The following BCAS3 variants were observed in gnomAD, a reference collection of about 807,000 sequenced individuals.
BCAS3 encodes BCAS3 microtubule associated cell migration factor.
A neutral mutation model predicts 116.1 loss-of-function variants in BCAS3; 53 were observed. The ratio of observed to expected loss-of-function variants is 0.46; its 90% CI spans 0.37 to 0.57. BCAS3 has a LOEUF of 0.57. Ranked by LOEUF, BCAS3 falls within the 20% of genes least tolerant of loss-of-function variation. The pLI is 0.00. For synonymous variants in BCAS3, 391 were observed against 408.2 expected (o/e 0.96, Z 0.51); for missense variants, 917 against 1,165.4 (o/e 0.79, Z 3.10).
At chr17:60,894,670 T>C (rs1303966470) in intron 10 of BCAS3, among the ~76,000 whole-genome samples, 1 of 152,186 alleles carries the variant, frequency 6.6e-6, no homozygotes, top group African/African-American at 2.4e-5. Flanking sequence ...GCTTTTAAAT[T>C]TTCCCCATTC....
chr17:60,858,640 T>A (rs1025026150), intron 7 of BCAS3, among the ~76,000 whole-genome samples: 6 of 152,210 alleles, frequency 3.9e-5, no homozygotes, highest in Non-Finnish European at 5.9e-5. Flanking sequence ...GGAAAATGTA[T>A]GTTTAATTTT....
rs1050037082 is a variant in BCAS3, at chr17:61,222,124, T to G, written c.2425+137560T>G. Among the ~76,000 whole-genome samples the G allele has an allele frequency of 6.6e-6, 1 of 152,162 alleles. No individual in the cohort carries two copies. The highest frequency in any genetic ancestry group is 2.4e-5 in the African/African-American group (1 of 41,396). ...ATTTTAGGGAATTTGTTAACAGTCATGCCGACATAGATACAAATATAGAGA... is the reference window on the plus strand; with the variant it reads ...ATTTTAGGGAATTTGTTAACAGTCAGGCCGACATAGATACAAATATAGAGA... On this transcript the variant is annotated intron_variant, in intron 22 of 23. Coordinates refer to ENST00000407086, the MANE Select transcript of BCAS3 (RefSeq NM_017679.5). This position sits in a 1 kb window ranked among gnomAD's most constrained non-coding sequence, Gnocchi z 6.1.
intron 23 of BCAS3, chr17:61,382,707 T>C (rs774831754): frequency 2.6e-5 from 4 of 151,238 alleles, no homozygotes; most frequent in Non-Finnish European, 5.9e-5. Context: ...ATAAAGCCTG[T>C]ACCACAATGA....
intron 5 of BCAS3, among the ~76,000 whole-genome samples, chr17:60,715,418 A>T (rs115500461): frequency 1.3e-5 from 2 of 151,700 alleles, no homozygotes; most frequent in Admixed American, 6.6e-5. Flanking sequence ...TCTTTCTTTC[A>T]TCACTCTTTC....
chr17:60,848,668 T>C (rs1212063075), intron 7 of BCAS3, among the ~76,000 whole-genome samples: 1 of 152,098 alleles, frequency 6.6e-6, no homozygotes, highest in African/African-American at 2.4e-5. Flanking sequence ...TGTGGGTTTT[T>C]CATGAGCCAT....
chr17:60,988,700 C>A (rs2063335572), intron 14 of BCAS3, among the ~76,000 whole-genome samples: 2 of 152,044 alleles, frequency 1.3e-5, no homozygotes, highest in African/African-American at 4.8e-5. Flanking sequence ...TCATAGTAGC[C>A]TCTAATGATC....
chr17:60,971,061 G>C (rs993302109), intron 14 of BCAS3, among the ~76,000 whole-genome samples: 1 of 152,212 alleles, frequency 6.6e-6, no homozygotes, highest in Non-Finnish European at 1.5e-5. Context: ...GGTACTGTAG[G>C]CTTGATAAGC....
rs746483225 is a variant in BCAS3 at position 60,874,644 on chromosome 17, TTC to T, written c.585-10_585-9del. 13 of 1,569,798 alleles carry T rather than the reference TTC, an allele frequency of 8.3e-6. 1 individual carries two copies. The East Asian group carries it at 2.0e-4, about 24-fold the overall frequency. On this transcript the variant is annotated splice_polypyrimidine_tract_variant and intron_variant, in intron 8 of 23. Transcript: ENST00000407086. ...TTCACTTTTTTTCTTTCTGTTTTTT[TTC>T]TCTCTCTAATTTTAGGATCCTTGTC...
In BCAS3 at chr17:61,151,699, C is replaced by T. The variant is rs111896535; in HGVS notation, c.2425+67135C>T. Among the ~76,000 whole-genome samples the T allele has an allele frequency of 2.4e-3, 358 of 152,268 alleles. 1 individual carries two copies. The highest frequency in any genetic ancestry group is 8.3e-3 in the African/African-American group (345 of 41,548). On this transcript the variant is annotated intron_variant, in intron 22 of 23. Coordinates refer to ENST00000407086, the MANE Select transcript of BCAS3 (RefSeq NM_017679.5). This position sits in a 1 kb window ranked among gnomAD's most constrained non-coding sequence, Gnocchi z 4.8. Reference sequence around the variant, plus strand: ...TCTTGAATTCCTGGGCTCAAGTGAGCCTCCTGCCTTGGCCCCGCAAAGTGC... The same window carrying T: ...TCTTGAATTCCTGGGCTCAAGTGAGTCTCCTGCCTTGGCCCCGCAAAGTGC...
At chr17:60,824,008 T>C (rs191583202) in intron 7 of BCAS3, among the ~76,000 whole-genome samples, 8 of 152,338 alleles carry the variant, frequency 5.3e-5, no homozygotes, top group East Asian at 1.9e-4. Flanking sequence ...CTCTTTCTTA[T>C]CAACAGCCCC....
At chr17:60,770,445 A>G (rs1396074421) in intron 6 of BCAS3, among the ~76,000 whole-genome samples, 1 of 85,340 alleles carries the variant, frequency 1.2e-5, no homozygotes, top group African/African-American at 4.5e-5. Flanking sequence ...TTTGAGACAG[A>G]GTCTTGCCTT....
At position 61,222,207 on chromosome 17, in the gene BCAS3, G is replaced by C. The variant is rs1327725558; in HGVS notation, c.2425+137643G>C. On this transcript the variant is annotated intron_variant, in intron 22 of 23. Coordinates refer to ENST00000407086, the MANE Select transcript of BCAS3 (RefSeq NM_017679.5). This position sits in a 1 kb window ranked among gnomAD's most constrained non-coding sequence, Gnocchi z 6.1. ...TGAAATAATAGTGGGGAACTGTAAA[G>C]AAATGATAAAAATAAGGACTCAGCT... is the stretch of plus-strand genomic sequence containing the variant. 6.6e-6 allele frequency among the ~76,000 whole-genome samples: 1 copy of C among 152,190 alleles called. No individual in the cohort carries two copies. The highest frequency in any genetic ancestry group is 1.5e-5 in the Non-Finnish European group (1 of 68,014).
chr17:61,143,715 A>G, intron 22 of BCAS3, among the ~76,000 whole-genome samples: 1 of 152,212 alleles, frequency 6.6e-6, no homozygotes, highest in Non-Finnish European at 1.5e-5. Context: ...AGGCTGAGGC[A>G]GGAGAATCAC....
intron 22 of BCAS3, among the ~76,000 whole-genome samples, chr17:61,353,283 G>C (rs1037839793): frequency 6.6e-6 from 1 of 152,186 alleles, no homozygotes; most frequent in African/African-American, 2.4e-5. Context: ...GACAGGCCAG[G>C]GGGAGGGGAG....
chr17:61,028,894 A>G lies in BCAS3; in HGVS notation c.1638-5772A>G, dbSNP rs1379345820. Among the ~76,000 whole-genome samples, 2 of 151,892 alleles carry G rather than the reference A, an allele frequency of 1.3e-5. No individual in the cohort carries two copies. The highest frequency in any genetic ancestry group is 2.9e-5 in the Non-Finnish European group (2 of 67,824). On this transcript the variant is annotated intron_variant, in intron 16 of 23. Coordinates refer to ENST00000407086, the MANE Select transcript of BCAS3 (RefSeq NM_017679.5). The surrounding 1 kb of genome is among the most constrained non-coding windows in gnomAD (Gnocchi z 4.3). ...TAAAATGTTACTTTCCCAGTGGTGC[A>G]TGTTTTTTCCATTAAGATCTTAATG...
chr17:60,768,455 A>C (rs2044329533), intron 6 of BCAS3, among the ~76,000 whole-genome samples: 1 of 152,178 alleles, frequency 6.6e-6, no homozygotes, highest in Non-Finnish European at 1.5e-5. Flanking sequence ...TCATTTTCCC[A>C]TGCTGGATGC....
intron 13 of BCAS3, among the ~76,000 whole-genome samples, chr17:60,927,357 G>A (rs1451394009): frequency 6.6e-6 from 1 of 152,018 alleles, no homozygotes; most frequent in African/African-American, 2.4e-5. Context: ...CCAGGTTCAA[G>A]CGATCCTTGT....
chr17:60,806,371 A>G (rs2048289557), intron 6 of BCAS3, among the ~76,000 whole-genome samples: 2 of 152,176 alleles, frequency 1.3e-5, no homozygotes, highest in Non-Finnish European at 1.5e-5. Context: ...CCTTTCAGGA[A>G]TCAAAGAGCC....
At chr17:60,863,148 G>A (rs1251535432) in intron 7 of BCAS3, among the ~76,000 whole-genome samples, 1 of 151,946 alleles carries the variant, frequency 6.6e-6, no homozygotes. Context: ...GGCACCATTT[G>A]TTCCAAAAAT....
Sources: gnomAD v4.1 joint callset for allele counts (sites outside exome capture counted in the v4.1 genomes callset) on GRCh38, gnomAD v4.1.1 for gene constraint, Gnocchi (gnomAD v3.1) non-coding constraint, MANE v1.5 for transcripts, NCBI Gene and HGNC (gene_info 2026-07-23, HGNC 2026-07-21) for gene names.